The following B3GALT1 variants were observed in gnomAD, a reference collection of about 807,000 sequenced individuals.
B3GALT1 encodes the protein UDP-Gal:betaGlcNAc beta 1,3-galactosyltransferase, polypeptide 1.
In B3GALT1, 10 loss-of-function variants were observed where a neutral mutation model predicts 23.2. That is an observed-to-expected ratio of 0.43 (90% CI 0.27 to 0.73). The LOEUF is 0.73. B3GALT1 is among the 30% of genes least tolerant of loss of function. The pLI is 0.21. For synonymous variants in B3GALT1, 156 were observed against 141.5 expected, an observed-to-expected ratio of 1.10 and a Z score of -0.73; for missense variants, 299 against 405.4, an observed-to-expected ratio of 0.74 and a Z score of 2.25.
chr2:167,628,836 A>G (rs1468372299), intron 2 of B3GALT1, among the ~76,000 whole-genome samples: 1 of 151,744 alleles, frequency 6.6e-6, no homozygotes, highest in African/African-American at 2.4e-5. Context: ...AAATATATAT[A>G]TTCAATGGAG....
At chr2:167,378,831 T>G (rs1453846538) in intron 1 of B3GALT1, among the ~76,000 whole-genome samples, 1 of 152,180 alleles carries the variant, frequency 6.6e-6, no homozygotes, top group East Asian at 1.9e-4. Context: ...AGTTTCCATT[T>G]TGGTTAGGGA....
intron 1 of B3GALT1, among the ~76,000 whole-genome samples, chr2:167,364,722 T>TTA (rs1195494194): frequency 3.3e-5 from 5 of 152,212 alleles, no homozygotes; most frequent in Non-Finnish European, 5.9e-5. Context: ...CCACATTTTC[T>TTA]TATATATATA....
chr2:167,464,246 C>T (rs993668342), intron 1 of B3GALT1, among the ~76,000 whole-genome samples: 6 of 151,908 alleles, frequency 3.9e-5, no homozygotes, highest in Admixed American at 3.9e-4. Context: ...GTCCTCATGG[C>T]CCTGCTTCAG....
At position 167,574,392 on chromosome 2, in the gene B3GALT1, A is replaced by G. The variant is rs1684348664; in HGVS notation, c.-409-72517A>G. On this transcript the variant is annotated intron_variant, in intron 2 of 4. Transcript: ENST00000392690. The stretch of plus-strand genomic sequence containing the variant: ...ACATACCAGTAGTAGTCAACTAAAA[A>G]TAAGACAAAGTAGGGACCATTTGAT... Among the ~76,000 whole-genome samples, 5 of 151,846 alleles carry G rather than the reference A, an allele frequency of 3.3e-5. No individual in the cohort carries two copies. The South Asian group carries it at 1.0e-3, about 31-fold the overall frequency.
At chr2:167,377,273 G>C (rs1697780574) in intron 1 of B3GALT1, among the ~76,000 whole-genome samples, 1 of 152,068 alleles carries the variant, frequency 6.6e-6, no homozygotes, top group Admixed American at 6.6e-5. Flanking sequence ...AGATCTTGGA[G>C]TATGTTCTGT....
At chr2:167,651,976 C>CA (rs137956947) in intron 3 of B3GALT1, among the ~76,000 whole-genome samples, 2,302 of 152,190 alleles carry the variant, frequency 0.015, 69 homozygotes, top group African/African-American at 0.053. Context: ...GCACACCCCA[C>CA]ACCATTGATC....
At chr2:167,609,275 A>C (rs1685016947) in intron 2 of B3GALT1, among the ~76,000 whole-genome samples, 1 of 152,156 alleles carries the variant, frequency 6.6e-6, no homozygotes, top group African/African-American at 2.4e-5. Flanking sequence ...TAAAGAAGGA[A>C]AGCTTTAGCT....
intron 1 of B3GALT1, among the ~76,000 whole-genome samples, chr2:167,300,305 A>G (rs895897265): frequency 6.6e-6 from 1 of 152,244 alleles, no homozygotes; most frequent in East Asian, 1.9e-4. Flanking sequence ...AGCTATTAAA[A>G]TTCAAAAGCT....
chr2:167,324,640 G>A (rs908259382), intron 1 of B3GALT1, among the ~76,000 whole-genome samples: 1 of 151,988 alleles, frequency 6.6e-6, no homozygotes, highest in Non-Finnish European at 1.5e-5. Flanking sequence ...ATTTTGTTAC[G>A]TACATAGATG....
chr2:167,512,562 ATATATG>A (rs57270422), intron 2 of B3GALT1, among the ~76,000 whole-genome samples: 6,402 of 101,174 alleles, frequency 0.063, 813 homozygotes, highest in African/African-American at 0.24. Context: ...ATATGTATAT[ATATATG>A]TATATATATA....
chr2:167,630,472 C>T (rs1334763151), intron 2 of B3GALT1, among the ~76,000 whole-genome samples: 2 of 151,690 alleles, frequency 1.3e-5, no homozygotes, highest in Non-Finnish European at 2.9e-5. Context: ...TTGGTAGTCA[C>T]TGGGTATTAT....
chr2:167,363,738 T>C (rs1003189174), intron 1 of B3GALT1, among the ~76,000 whole-genome samples: 1 of 152,216 alleles, frequency 6.6e-6, no homozygotes, highest in African/African-American at 2.4e-5. Context: ...CCTTGACTTA[T>C]TTTTGTTAGT....
chr2:167,790,563 G>C (rs774897175), intron 3 of B3GALT1, among the ~76,000 whole-genome samples: 2 of 152,218 alleles, frequency 1.3e-5, no homozygotes, highest in Non-Finnish European at 2.9e-5. Context: ...CAGAGTCAAG[G>C]CTTGGAAAGC....
intron 1 of B3GALT1, among the ~76,000 whole-genome samples, chr2:167,305,760 TTAAC>T (rs1696542395): frequency 6.6e-6 from 1 of 152,116 alleles, no homozygotes; most frequent in Admixed American, 6.6e-5. Context: ...CAGCATCTGT[TTAAC>T]TATCTTGACC....
chr2:167,800,762 C>T (rs1276963653), intron 3 of B3GALT1, among the ~76,000 whole-genome samples: 2 of 152,082 alleles, frequency 1.3e-5, no homozygotes, highest in Non-Finnish European at 2.9e-5. Flanking sequence ...GTCAGTGACT[C>T]GGGATGGGCA....
chr2:167,670,504 A>C (rs1686305217), intron 3 of B3GALT1, among the ~76,000 whole-genome samples: 1 of 152,180 alleles, frequency 6.6e-6, no homozygotes, highest in African/African-American at 2.4e-5. Flanking sequence ...ACACAAGAAA[A>C]ATTAAGGAAG....
At chr2:167,702,813 T>A (rs1040570599) in intron 3 of B3GALT1, among the ~76,000 whole-genome samples, 2 of 152,214 alleles carry the variant, frequency 1.3e-5, no homozygotes, top group Non-Finnish European at 2.9e-5. Flanking sequence ...TCCCCAGTCT[T>A]GTGCATAGTT....
intron 3 of B3GALT1, among the ~76,000 whole-genome samples, chr2:167,673,941 G>A (rs574865086): frequency 9.2e-5 from 14 of 152,106 alleles, no homozygotes; most frequent in South Asian, 2.1e-4. Context: ...CATTAGCTAT[G>A]CATGATTAAT....
chr2:167,625,981 A>T (rs1685335269), intron 2 of B3GALT1, among the ~76,000 whole-genome samples: 2 of 131,652 alleles, frequency 1.5e-5, no homozygotes, highest in South Asian at 4.6e-4. Context: ...ATATATATAT[A>T]TATATGACCT....
Sources: allele counts gnomAD v4.1 joint callset (sites outside exome capture counted in the v4.1 genomes callset), GRCh38; gene constraint gnomAD v4.1.1; transcripts MANE v1.5; gene names NCBI Gene and HGNC (gene_info 2026-07-23, HGNC 2026-07-21).